EPHB1: variants seen among roughly 807,000 people sequenced by gnomAD.
EPHB1 encodes EPH receptor B1.
EPHB1 carries 30 observed loss-of-function variants against 94.4 expected under a neutral mutation model. The observed-to-expected ratio is 0.32, with a 90% confidence interval of 0.24 to 0.43. The LOEUF (loss-of-function observed/expected upper bound fraction) is 0.43, where lower values mean the gene tolerates loss of function less well. EPHB1 is among the 20% of genes least tolerant of loss of function. EPHB1 has a pLI of 1.00. For synonymous variants in EPHB1, 522 were observed against 489.1 expected (o/e 1.07, Z -0.89); for missense variants, 1,055 against 1,308.3 (o/e 0.81, Z 2.99).
intron 3 of EPHB1, among the ~76,000 whole-genome samples, chr3:135,057,948 C>T (rs1020262276): frequency 6.6e-6 from 1 of 152,196 alleles, no homozygotes; most frequent in Admixed American, 6.5e-5. Context: ...TGGAAAATCA[C>T]ATTTGATCAG....
At chr3:134,956,033 C>T (rs1193659643) in intron 3 of EPHB1, among the ~76,000 whole-genome samples, 1 of 152,146 alleles carries the variant, frequency 6.6e-6, no homozygotes, top group East Asian at 1.9e-4. Context: ...CTCTCTCTCT[C>T]TCTCTACTGT....
chr3:134,884,001 A>G (rs1161126181), intron 1 of EPHB1, among the ~76,000 whole-genome samples: 2 of 152,248 alleles, frequency 1.3e-5, no homozygotes, highest in African/African-American at 4.8e-5. Context: ...TTTAAATGAC[A>G]TAAGCCAGGC....
At chr3:135,142,866 G>A (rs141764453) in intron 5 of EPHB1, among the ~76,000 whole-genome samples, 2 of 152,278 alleles carry the variant, frequency 1.3e-5, no homozygotes, top group East Asian at 3.9e-4. Flanking sequence ...GTGGGAGGGA[G>A]CATATGGTGG....
intron 5 of EPHB1, among the ~76,000 whole-genome samples, chr3:135,137,262 C>T (rs1940655469): frequency 6.6e-6 from 1 of 152,090 alleles, no homozygotes. Context: ...GTGGGGACTG[C>T]AGGGAACTTT....
chr3:134,958,312 G>A (rs972049674), intron 3 of EPHB1, among the ~76,000 whole-genome samples: 16 of 152,122 alleles, frequency 1.1e-4, no homozygotes, highest in African/African-American at 2.9e-4. Flanking sequence ...AGAGGTTTTC[G>A]GGGCCTGCTT....
chr3:135,012,996 C>T (rs552555557), intron 3 of EPHB1, among the ~76,000 whole-genome samples: 2 of 152,172 alleles, frequency 1.3e-5, no homozygotes, highest in East Asian at 1.9e-4. Flanking sequence ...CCAAAATCTG[C>T]CTTTTGCAGT....
intron 4 of EPHB1, among the ~76,000 whole-genome samples, chr3:135,130,997 G>A (rs1026413026): frequency 6.6e-6 from 1 of 152,172 alleles, no homozygotes; most frequent in Non-Finnish European, 1.5e-5. Flanking sequence ...GTAATGAATT[G>A]TGCAGTGTGT....
intron 6 of EPHB1, among the ~76,000 whole-genome samples, chr3:135,158,503 G>A (rs1254580654): frequency 1.3e-5 from 2 of 152,150 alleles, no homozygotes; most frequent in Non-Finnish European, 2.9e-5. Context: ...GGTCCATGAG[G>A]GCAGTTTTGT....
chr3:135,134,053 A>G (rs1029149486), intron 5 of EPHB1, among the ~76,000 whole-genome samples: 1 of 152,262 alleles, frequency 6.6e-6, no homozygotes, highest in East Asian at 1.9e-4. Flanking sequence ...TGCAGTAAAT[A>G]CCAAGGGAGT....
chr3:135,122,434 G>C (rs2107683579), intron 4 of EPHB1, among the ~76,000 whole-genome samples: 1 of 152,264 alleles, frequency 6.6e-6, no homozygotes, highest in Middle Eastern at 3.4e-3. Flanking sequence ...AGCATTTCCA[G>C]GGGATTTTCA....
chr3:134,814,609 G>A (rs186932257), intron 1 of EPHB1, among the ~76,000 whole-genome samples: 1 of 152,226 alleles, frequency 6.6e-6, no homozygotes, highest in East Asian at 1.9e-4. Flanking sequence ...TCCCTGTCCT[G>A]GGCCAGAATC....
At chr3:135,177,041 C>T (rs968607568) in intron 9 of EPHB1, among the ~76,000 whole-genome samples, 3 of 152,174 alleles carry the variant, frequency 2.0e-5, no homozygotes, top group Non-Finnish European at 4.4e-5. Context: ...TATAACAAGT[C>T]TATCAGTCAG....
At chr3:134,841,576 AT>A (rs2036778300) in intron 1 of EPHB1, 2 of 152,200 alleles carry the variant, frequency 1.3e-5, no homozygotes, top group Admixed American at 6.5e-5. Flanking sequence ...TCACTGATGT[AT>A]TTGATTTAAA....
chr3:135,058,545 T>C (rs1937407194), intron 3 of EPHB1, among the ~76,000 whole-genome samples: 1 of 152,232 alleles, frequency 6.6e-6, no homozygotes, highest in African/African-American at 2.4e-5. Flanking sequence ...CATAAACCTC[T>C]TGGGTACACA....
Position 134,857,029 on chromosome 3 carries a change from G to T in EPHB1, c.58+61340G>T, listed in dbSNP as rs1019320697. Among the ~76,000 whole-genome samples the T allele has an allele frequency of 2.0e-4, 30 of 152,216 alleles. 1 individual carries two copies. The highest frequency in any genetic ancestry group is 1.5e-5 in the Non-Finnish European group (1 of 68,034). ...CCTTCCAGAGGCAGTGTTTAGGCAG[G>T]TTCTTTTTGTTGTGGGAATTGAGAC... On this transcript the variant is annotated intron_variant, in intron 1 of 15. Transcript: ENST00000398015.
intron 3 of EPHB1, chr3:135,067,821 T>C (rs996536506): frequency 6.6e-6 from 1 of 152,264 alleles, no homozygotes; most frequent in African/African-American, 2.4e-5. Context: ...CAGGCAGGAA[T>C]TTCCTGCTTG....
chr3:135,070,039 C>T (rs1294289241), intron 3 of EPHB1, among the ~76,000 whole-genome samples: 1 of 152,150 alleles, frequency 6.6e-6, no homozygotes, highest in African/African-American at 2.4e-5. Flanking sequence ...ATGCAGCTTC[C>T]ACAGTGTTTA....
chr3:134,860,174 C>CACAA (rs2037222731), intron 1 of EPHB1, among the ~76,000 whole-genome samples: 1 of 113,464 alleles, frequency 8.8e-6, no homozygotes, highest in Non-Finnish European at 1.8e-5. Flanking sequence ...CACACACAGA[C>CACAA]ACACACACAC....
intron 9 of EPHB1, among the ~76,000 whole-genome samples, chr3:135,167,256 T>C (rs1239765213): frequency 6.6e-6 from 1 of 152,208 alleles, no homozygotes; most frequent in East Asian, 1.9e-4. Context: ...GATAAGCCCA[T>C]ATAGGACACA....
Sources: allele counts gnomAD v4.1 joint callset (sites outside exome capture counted in the v4.1 genomes callset), GRCh38; gene constraint gnomAD v4.1.1; transcripts MANE v1.5; gene names NCBI Gene and HGNC (gene_info 2026-07-23, HGNC 2026-07-21).